NIBAN1: variants seen among roughly 807,000 people sequenced by gnomAD.
The protein encoded by NIBAN1 is protein Niban 1.
A neutral mutation model predicts 75.1 loss-of-function variants in NIBAN1; 81 were observed. That is an observed-to-expected ratio of 1.08 (90% CI 0.90 to 1.30). The LOEUF (loss-of-function observed/expected upper bound fraction) is 1.30. Ranked by LOEUF, NIBAN1 falls within the 50% of genes most tolerant of loss-of-function variation. The pLI is 0.00. For missense variants in NIBAN1, 1,133 were observed against 1,128.1 expected (o/e 1.00, Z -0.06); for synonymous variants, 436 against 424.8 (o/e 1.03, Z -0.32).
chr1:184,805,864 A>G (rs1401851142), intron 11 of NIBAN1, 82 bp downstream of exon 11: 2 of 1,062,058 alleles, frequency 1.9e-6, no homozygotes, highest in East Asian at 4.9e-5. Context: ...CCAAGGAGAG[A>G]ACTTGGTATT....
At chr1:184,912,734 A>G (rs1385738785) in intron 1 of NIBAN1, among the ~76,000 whole-genome samples, 1 of 152,232 alleles carries the variant, frequency 6.6e-6, no homozygotes, top group African/African-American at 2.4e-5. Context: ...CAATGCTGGC[A>G]TTTTTATCAG....
intron 1 of NIBAN1, among the ~76,000 whole-genome samples, chr1:184,960,433 T>C (rs975024234): frequency 1.3e-5 from 2 of 152,108 alleles, no homozygotes; most frequent in Non-Finnish European, 2.9e-5. Context: ...CATTACAGTT[T>C]AAAATTTTTT....
At chr1:184,856,954 G>T (rs1452554618) in intron 5 of NIBAN1, among the ~76,000 whole-genome samples, 1 of 152,160 alleles carries the variant, frequency 6.6e-6, no homozygotes, top group Non-Finnish European at 1.5e-5. Context: ...GCTGAACTGT[G>T]GCAGGTGGCA....
intron 1 of NIBAN1, among the ~76,000 whole-genome samples, chr1:184,913,541 T>G (rs1384033446): frequency 1.3e-5 from 2 of 152,200 alleles, no homozygotes; most frequent in African/African-American, 4.8e-5. Context: ...TATAGTCTCA[T>G]AAAAGACAAG....
At chr1:184,941,970 C>CT (rs2102049991) in intron 1 of NIBAN1, among the ~76,000 whole-genome samples, 1 of 152,304 alleles carries the variant, frequency 6.6e-6, no homozygotes, top group East Asian at 1.9e-4. Context: ...CTGCGACTCT[C>CT]TGAGTAATCT....
chr1:184,888,492 C>G (rs1264591538), intron 4 of NIBAN1, among the ~76,000 whole-genome samples: 1 of 152,210 alleles, frequency 6.6e-6, no homozygotes, highest in African/African-American at 2.4e-5. Flanking sequence ...CCTTTTACAA[C>G]AATTTTCCAG....
chr1:184,809,637 GT>G (rs201862644), intron 9 of NIBAN1, among the ~76,000 whole-genome samples: 3,088 of 146,220 alleles, frequency 0.021, 116 homozygotes, highest in African/African-American at 0.072. Flanking sequence ...ATATATGTGT[GT>G]GTGTATATAT....
At chr1:184,868,053 C>G in intron 5 of NIBAN1, 2 of 985,406 alleles carry the variant, frequency 2.0e-6, no homozygotes, top group Non-Finnish European at 2.4e-6. Flanking sequence ...TGATCTCCCA[C>G]CAGAAAGGAA....
intron 6 of NIBAN1, among the ~76,000 whole-genome samples, chr1:184,826,209 G>A (rs893451156): frequency 1.3e-5 from 2 of 152,278 alleles, no homozygotes; most frequent in South Asian, 4.1e-4. Flanking sequence ...TCTGCCTGGC[G>A]TGACAAAAGT....
Position 184,922,451 on chromosome 1 carries a change from A to G in NIBAN1, c.56-23142T>C, listed in dbSNP as rs186562895. ...TCTACTCTCTACCTCCGTGAGTTCA[A>G]TTGTTTTAATTTTTAGCTCCCACAA... On this transcript the variant is annotated intron_variant, in intron 1 of 13. Coordinates refer to ENST00000367511, the MANE Select transcript of NIBAN1 (RefSeq NM_052966.4). Among the ~76,000 whole-genome samples, 3 of 152,208 alleles carry G rather than the reference A, an allele frequency of 2.0e-5. No homozygotes were observed. In the East Asian group the frequency reaches 5.8e-4, roughly 29 times the overall value.
intron 1 of NIBAN1, among the ~76,000 whole-genome samples, chr1:184,961,774 G>A (rs1185082697): frequency 6.6e-6 from 1 of 152,234 alleles, no homozygotes; most frequent in Non-Finnish European, 1.5e-5. Context: ...TGGGATGTAA[G>A]GGAAAGTCTG....
At chr1:184,880,961 GGCTT>G (rs1656361669) in intron 5 of NIBAN1, among the ~76,000 whole-genome samples, 1 of 152,098 alleles carries the variant, frequency 6.6e-6, no homozygotes, top group Non-Finnish European at 1.5e-5. Flanking sequence ...CTATACAGTT[GGCTT>G]GACATTTAGT....
intron 1 of NIBAN1, among the ~76,000 whole-genome samples, chr1:184,933,561 A>T (rs954302385): frequency 1.3e-5 from 2 of 152,222 alleles, no homozygotes; most frequent in African/African-American, 2.4e-5. Context: ...TACACAAATA[A>T]GGCCTCCATA....
At chr1:184,796,911 C>T (rs1337947981) in intron 13 of NIBAN1, among the ~76,000 whole-genome samples, 2 of 152,174 alleles carry the variant, frequency 1.3e-5, no homozygotes, top group Non-Finnish European at 2.9e-5. Context: ...CCCAAAAGTG[C>T]CCATGGTGGG....
At chr1:184,899,409 C>A in intron 1 of NIBAN1, 100 bp from the exon 2 acceptor site, 1 of 1,210,912 alleles carries the variant, frequency 8.3e-7, no homozygotes, top group Non-Finnish European at 1.2e-6. Flanking sequence ...TGTTTCTATC[C>A]CTCCAGTCAC....
intron 1 of NIBAN1, among the ~76,000 whole-genome samples, chr1:184,940,947 C>A (rs1445081937): frequency 6.6e-6 from 1 of 152,176 alleles, no homozygotes; most frequent in Non-Finnish European, 1.5e-5. Context: ...GGCAATGTGC[C>A]GCAAACAGGT....
chr1:184,959,340 G>C (rs1473970826), intron 1 of NIBAN1, among the ~76,000 whole-genome samples: 1 of 152,200 alleles, frequency 6.6e-6, no homozygotes, highest in African/African-American at 2.4e-5. Flanking sequence ...TATTGCTCTT[G>C]CCTGAAGACT....
chr1:184,873,500 A>G (rs549355541), intron 5 of NIBAN1, among the ~76,000 whole-genome samples: 1 of 152,326 alleles, frequency 6.6e-6, no homozygotes, highest in East Asian at 1.9e-4. Flanking sequence ...GGTACCAGGA[A>G]GAAGAGAATA....
intron 1 of NIBAN1, among the ~76,000 whole-genome samples, chr1:184,903,492 C>T (rs1657006521): frequency 6.6e-6 from 1 of 152,062 alleles, no homozygotes; most frequent in Non-Finnish European, 1.5e-5. Context: ...TCATTAATGG[C>T]TTAGTGCCAT....
Sources: allele counts gnomAD v4.1 joint callset (sites outside exome capture counted in the v4.1 genomes callset), GRCh38; gene constraint gnomAD v4.1.1; transcripts MANE v1.5; gene names NCBI Gene and HGNC (gene_info 2026-07-23, HGNC 2026-07-21).